The following ARF4 variants were observed in gnomAD, a reference collection of about 807,000 sequenced individuals.
The protein encoded by ARF4 is ADP-ribosylation factor 4.
ARF4 carries 5 observed loss-of-function variants against 24.3 expected under a neutral mutation model. The observed-to-expected ratio is 0.21, with a 90% confidence interval of 0.11 to 0.43. The LOEUF is 0.43. Among genes scored for constraint, ARF4 ranks in the 20% least tolerant of loss-of-function variants. The probability of loss-of-function intolerance (pLI) is 1.00; values close to 1 mark genes in which losing one functional copy is unlikely to be tolerated. For missense variants in ARF4, 107 were observed against 213.0 expected (o/e 0.50, Z 3.10); for synonymous variants, 62 against 73.5 (o/e 0.84, Z 0.80).
chr3:57,597,185 G>A lies in ARF4; in HGVS notation c.-45C>T. ...ATGGGCAGAAGCAGAAGGGGTTTGG[G>A]GCGACCCCGTGCTTTCTCCTTTCAA... On this transcript the variant is annotated 5_prime_UTR_variant, in exon 1 of 6. Transcript: ENST00000303436. The A allele has an allele frequency of 1.9e-6, 3 of 1,568,324 alleles. No individual in the cohort carries two copies. Among genetic ancestry groups the A allele is most frequent in the Non-Finnish European group, 8.8e-7 (1 of 1,140,466 alleles).
At chr3:57,581,522 C>A (rs183447732) in intron 3 of ARF4, among the ~76,000 whole-genome samples, 87 of 152,284 alleles carry the variant, frequency 5.7e-4, no homozygotes, top group Non-Finnish European at 3.7e-4. Flanking sequence ...ATATATTGGC[C>A]AAGCGCAGTA....
chr3:57,597,164 G>A lies in ARF4; in HGVS notation c.-24C>T, dbSNP rs2070199955. The A allele has an allele frequency of 1.2e-6, 2 of 1,604,362 alleles. No homozygotes were observed. The highest frequency in any genetic ancestry group is 1.7e-6 in the Non-Finnish European group (2 of 1,171,574). ...ATGGCGGTAGTGGCACTTGTGATGG[G>A]CAGAAGCAGAAGGGGTTTGGGGCGA... On this transcript the variant is annotated 5_prime_UTR_variant, in exon 1 of 6. Coordinates refer to ENST00000303436, the MANE Select transcript of ARF4 (RefSeq NM_001660.4).
chr3:57,592,134 C>T (rs916603509), intron 1 of ARF4, among the ~76,000 whole-genome samples: 1 of 152,114 alleles, frequency 6.6e-6, no homozygotes, highest in Non-Finnish European at 1.5e-5. Context: ...ATGCCAGAGA[C>T]CTCAAATACT....
At chr3:57,572,473 C>T (rs1199816223) in intron 5 of ARF4, among the ~76,000 whole-genome samples, 175 bp from the exon 6 acceptor site, 1 of 152,108 alleles carries the variant, frequency 6.6e-6, no homozygotes, top group African/African-American at 2.4e-5. Flanking sequence ...TAAATCCCAG[C>T]ACTTTGGGAG....
At chr3:57,587,515 G>C (rs541626101) in intron 1 of ARF4, among the ~76,000 whole-genome samples, 3 of 151,598 alleles carry the variant, frequency 2.0e-5, no homozygotes, top group African/African-American at 7.3e-5. Context: ...CTCCTCTACT[G>C]ATAGGAATTT....
Position 57,597,229 on chromosome 3 carries a change from C to G in ARF4, c.-89G>C, listed in dbSNP as rs541116403. The stretch of plus-strand genomic sequence containing the variant: ...CTTTCAAGCTCCCAGGCAAACTAAA[C>G]GAGAGGGAAGAGAAAGAGCGGAGGA... On this transcript the variant is annotated 5_prime_UTR_variant, in exon 1 of 6. Transcript: ENST00000303436. 3.9e-6 allele frequency: 5 copies of G among 1,287,262 alleles called. No individual in the cohort carries two copies. The highest frequency in any genetic ancestry group is 1.5e-5 in the African/African-American group (1 of 67,914). 79.7% of individuals were successfully genotyped at this position (1,287,262 alleles called of 1,614,324 possible). A position where few individuals can be genotyped will look rare whatever the true frequency, so the allele number is the denominator to read the frequency against.
At chr3:57,575,740 T>C (rs890523404) in intron 4 of ARF4, 67 bp from the exon 5 acceptor site, 48 of 1,490,630 alleles carry the variant, frequency 3.2e-5, no homozygotes, top group East Asian at 1.2e-4. Flanking sequence ...TGTCTTCCTA[T>C]ATATACTTTA....
chr3:57,573,530 G>A (rs1181193742), intron 5 of ARF4, among the ~76,000 whole-genome samples: 1 of 152,150 alleles, frequency 6.6e-6, no homozygotes, highest in Non-Finnish European at 1.5e-5. Context: ...TACCTTCACA[G>A]CATGGAAAAC....
chr3:57,579,570 G>A (rs2069946476), intron 3 of ARF4, among the ~76,000 whole-genome samples: 1 of 152,046 alleles, frequency 6.6e-6, no homozygotes, highest in South Asian at 2.1e-4. Flanking sequence ...TTACAGGTGT[G>A]AGCCACCGCG....
chr3:57,592,071 A>AT (rs933935889), intron 1 of ARF4, among the ~76,000 whole-genome samples: 1 of 152,116 alleles, frequency 6.6e-6, no homozygotes, highest in African/African-American at 2.4e-5. Context: ...TTATATCTTG[A>AT]TTTTTTTATT....
rs191579680 is a variant in ARF4, at chr3:57,579,481, T to G, written c.259-2094A>C. Among the ~76,000 whole-genome samples the G allele has an allele frequency of 4.3e-3, 654 of 151,942 alleles. 6 individuals carry two copies. The highest frequency in any genetic ancestry group is 0.015 in the African/African-American group (633 of 41,468). Reference sequence around the variant, plus strand: ...TTTTGTATTTTTAGTAGAGATGAGATTTTACTATGTTGGCCAGGTTAGTCT... The same window carrying G: ...TTTTGTATTTTTAGTAGAGATGAGAGTTTACTATGTTGGCCAGGTTAGTCT... On this transcript the variant is annotated intron_variant, in intron 3 of 5. Coordinates refer to ENST00000303436, the MANE Select transcript of ARF4 (RefSeq NM_001660.4).
rs532046768 is a variant in ARF4 at position 57,571,884 on chromosome 3, C to CTT, written c.*326_*327dup. Reference sequence around the variant, plus strand: ...TATCAGTAAAGTAGCAAGGGGATAACTTTAAAACATTATTTGTCTGGGGCT... The same window carrying CTT: ...TATCAGTAAAGTAGCAAGGGGATAACTTTTTAAAACATTATTTGTCTGGGGCT... On this transcript the variant is annotated 3_prime_UTR_variant, in exon 6 of 6. Transcript: ENST00000303436. 1.7e-4 allele frequency: 38 copies of CTT among 221,720 alleles called. 1 individual carries two copies. The South Asian group carries it at 3.8e-3, about 22-fold the overall frequency. 13.7% of individuals were successfully genotyped at this position (221,720 alleles called of 1,614,324 possible).
intron 1 of ARF4, among the ~76,000 whole-genome samples, chr3:57,591,423 C>T (rs1484961838): frequency 1.3e-5 from 2 of 151,244 alleles, no homozygotes; most frequent in Non-Finnish European, 2.9e-5. Flanking sequence ...GAATGAAGTA[C>T]TAATATACGC....
intron 4 of ARF4, among the ~76,000 whole-genome samples, chr3:57,576,650 G>T (rs1389982357): frequency 6.6e-6 from 1 of 151,474 alleles, no homozygotes; most frequent in Non-Finnish European, 1.5e-5. Context: ...CAAGAATTAA[G>T]ATTTCATTTC....
intron 3 of ARF4, among the ~76,000 whole-genome samples, chr3:57,582,684 G>A (rs994556770): frequency 2.6e-5 from 4 of 152,134 alleles, no homozygotes; most frequent in Admixed American, 6.6e-5. Context: ...TGTTTTAAGA[G>A]GCTGATAACA....
intron 3 of ARF4, among the ~76,000 whole-genome samples, chr3:57,581,322 G>T (rs2069967911): frequency 6.6e-6 from 1 of 152,140 alleles, no homozygotes; most frequent in Non-Finnish European, 1.5e-5. Flanking sequence ...TCCCTAGGAA[G>T]CAGTACTTAG....
intron 1 of ARF4, among the ~76,000 whole-genome samples, chr3:57,592,826 C>A (rs956710102): frequency 6.6e-6 from 1 of 152,048 alleles, no homozygotes; most frequent in Non-Finnish European, 1.5e-5. Context: ...TGAGAAAATG[C>A]TTGTAATAAG....
intron 3 of ARF4, among the ~76,000 whole-genome samples, chr3:57,578,829 C>G (rs916903680): frequency 1.3e-5 from 2 of 151,170 alleles, no homozygotes; most frequent in East Asian, 3.9e-4. Context: ...TAGGAAGCAA[C>G]TAGTTGAACT....
chr3:57,595,539 G>GT (rs777156847), intron 1 of ARF4, among the ~76,000 whole-genome samples: 29 of 152,210 alleles, frequency 1.9e-4, no homozygotes, highest in Admixed American at 5.9e-4. Flanking sequence ...TTCACAAAGT[G>GT]TAAGTACGCT....
Sources: gnomAD v4.1 joint callset for allele counts (sites outside exome capture counted in the v4.1 genomes callset) on GRCh38, gnomAD v4.1.1 for gene constraint, MANE v1.5 for transcripts, NCBI Gene and HGNC (gene_info 2026-07-23, HGNC 2026-07-21) for gene names.